Variants in DOCK7 observed in about 807,000 individuals in gnomAD.
The protein encoded by DOCK7 is dedicator of cytokinesis protein 7.
In DOCK7, 138 loss-of-function variants were observed where a neutral mutation model predicts 271.0. The ratio of observed to expected loss-of-function variants is 0.51; its 90% confidence interval spans 0.44 to 0.59. The LOEUF (loss-of-function observed/expected upper bound fraction) is 0.59, where lower values mean the gene tolerates loss of function less well. DOCK7 is among the 20% of genes least tolerant of loss of function. DOCK7 has a pLI of 0.00. For missense variants in DOCK7, 2,066 were observed against 2,592.4 expected (o/e 0.80, Z 4.41); for synonymous variants, 823 against 876.1 (o/e 0.94, Z 1.07).
intron 47 of DOCK7, among the ~76,000 whole-genome samples, chr1:62,474,960 T>A (rs966023014): frequency 6.6e-6 from 1 of 152,208 alleles, no homozygotes; most frequent in Non-Finnish European, 1.5e-5. Context: ...TTCGCAAATA[T>A]GTACATAGCT....
intron 1 of DOCK7, among the ~76,000 whole-genome samples, chr1:62,681,536 AAAAATAAAAAAAAT>A (rs1464322275): frequency 2.3e-3 from 32 of 13,664 alleles, no homozygotes; most frequent in Non-Finnish European, 0.02. Flanking sequence ...AAGTATAATA[AAAAATAAAAAAAAT>A]AAAATAAAAA....
intron 14 of DOCK7, among the ~76,000 whole-genome samples, chr1:62,592,474 A>G (rs1407975290): frequency 6.6e-6 from 1 of 152,196 alleles, no homozygotes; most frequent in Admixed American, 6.5e-5. Context: ...TAAAGCATCT[A>G]TTAATACACA....
intron 48 of DOCK7, among the ~76,000 whole-genome samples, chr1:62,470,562 G>A (rs1009544319): frequency 3.3e-5 from 5 of 152,136 alleles, no homozygotes; most frequent in Admixed American, 6.5e-5. Context: ...TTGGGAGGCC[G>A]ACTCAGGCAG....
At chr1:62,504,195 A>T (rs1646875515) in intron 37 of DOCK7, among the ~76,000 whole-genome samples, 2 of 152,190 alleles carry the variant, frequency 1.3e-5, no homozygotes, top group Admixed American at 6.5e-5. Context: ...TTACATAAGC[A>T]AAAATAAATG....
At chr1:62,599,016 C>T (rs544685379) in intron 14 of DOCK7, among the ~76,000 whole-genome samples, 1 of 152,074 alleles carries the variant, frequency 6.6e-6, no homozygotes, top group South Asian at 2.1e-4. Context: ...ATTACTTCAC[C>T]CCTTTATCTC....
intron 43 of DOCK7, chr1:62,481,905 T>C (rs1293784715): frequency 6.6e-6 from 1 of 152,228 alleles, no homozygotes; most frequent in African/African-American, 2.4e-5. Flanking sequence ...TTTTCCACAA[T>C]GCTTCCTTTA....
chr1:62,514,624 T>C (rs977485824), intron 31 of DOCK7, among the ~76,000 whole-genome samples: 1 of 151,836 alleles, frequency 6.6e-6, no homozygotes, highest in African/African-American at 2.4e-5. Context: ...CATCCCAATT[T>C]TACAGATAAA....
intron 14 of DOCK7, among the ~76,000 whole-genome samples, chr1:62,588,732 A>G (rs1647938787): frequency 6.6e-6 from 1 of 151,994 alleles, no homozygotes; most frequent in South Asian, 2.1e-4. Flanking sequence ...TATTTTTTTA[A>G]TTTTTAAAAT....
chr1:62,562,264 C>T (rs1646350795), intron 18 of DOCK7, among the ~76,000 whole-genome samples: 1 of 83,422 alleles, frequency 1.2e-5, no homozygotes, highest in South Asian at 3.8e-4. Context: ...TAGAGTCTCG[C>T]TCTGTCACCC....
intron 37 of DOCK7, among the ~76,000 whole-genome samples, chr1:62,497,154 C>T (rs1202448491): frequency 6.6e-6 from 1 of 152,156 alleles, no homozygotes; most frequent in East Asian, 1.9e-4. Flanking sequence ...AAATCTCCTA[C>T]CTTATCTTCA....
At chr1:62,667,001 TATG>T in intron 1 of DOCK7, among the ~76,000 whole-genome samples, 1 of 152,332 alleles carries the variant, frequency 6.6e-6, no homozygotes, top group South Asian at 2.1e-4. Flanking sequence ...CCATTCATTA[TATG>T]ATGTTGGAAA....
chr1:62,572,512 A>G (rs933865854), intron 18 of DOCK7, among the ~76,000 whole-genome samples: 2 of 152,218 alleles, frequency 1.3e-5, no homozygotes, highest in African/African-American at 4.8e-5. Context: ...GGTGACTTAA[A>G]CAGCAGATAT....
rs1479068685 is a variant in DOCK7, at chr1:62,688,270, C to T, written c.-6G>A. 1.5e-6 allele frequency: 2 copies of T among 1,307,146 alleles called. No individual in the cohort carries two copies. Among genetic ancestry groups the T allele is most frequent in the Non-Finnish European group, 2.0e-6 (2 of 1,018,676 alleles). The allele number at this position is 1,307,146 out of a possible 1,614,324, so 81.0% of individuals were successfully genotyped here. On this transcript the variant is annotated 5_prime_UTR_variant, in exon 1 of 50. Transcript: ENST00000635253. ...AAGGCGCGGCGCTCGGCCATGGCTG[C>T]TGCGGCGACGGCGACGGCGGCGGCG...
chr1:62,552,476 C>T (rs1645940362), intron 22 of DOCK7, among the ~76,000 whole-genome samples: 1 of 152,130 alleles, frequency 6.6e-6, no homozygotes, highest in Non-Finnish European at 1.5e-5. Flanking sequence ...GATGGAGTAT[C>T]AGACTGACAA....
chr1:62,577,460 C>T (rs569089193), intron 17 of DOCK7, 97 bp from the exon 18 acceptor site: 8 of 675,964 alleles, frequency 1.2e-5, no homozygotes, highest in South Asian at 7.8e-5. Context: ...CCAAATTTGT[C>T]CCATATCATC....
chr1:62,681,857 G>A (rs1661205543), intron 1 of DOCK7, among the ~76,000 whole-genome samples: 1 of 152,110 alleles, frequency 6.6e-6, no homozygotes, highest in East Asian at 1.9e-4. Flanking sequence ...AGACAGCAAA[G>A]CATACACACA....
chr1:62,496,454 G>C lies in DOCK7; in HGVS notation c.4808C>G (p.Ser1603Cys). ...AAAATTCTGAGATGTGCCCACCAAG[G>C]AGGATAGTGACATTGTTACCTGCAT... is the stretch of plus-strand genomic sequence containing the variant. ...VKMQVTMSLS[S>C]LVGTSQNFNE... is the part of the protein sequence containing the mutation. Residue 1603 changes from serine to cysteine, a missense_variant, in exon 38 of 50, where the codon TCC (serine) becomes TGC (cysteine). Ser to Cys is a moderately radical substitution (Grantham distance 112). This residue lies in a region of DOCK7 where 652 missense variants were observed against 922.1 expected (regional missense o/e 0.71). Transcript: ENST00000635253. The C allele has an allele frequency of 6.2e-7, 1 of 1,613,524 alleles. No homozygotes were observed. The highest frequency in any genetic ancestry group is 8.5e-7 in the Non-Finnish European group (1 of 1,179,682).
chr1:62,681,177 C>T (rs1003281962), intron 1 of DOCK7, among the ~76,000 whole-genome samples: 5 of 152,000 alleles, frequency 3.3e-5, no homozygotes, highest in African/African-American at 4.8e-5. Context: ...AAATGTGGCA[C>T]ATATACACCA....
chr1:62,621,969 G>A (rs781361600), intron 12 of DOCK7, among the ~76,000 whole-genome samples: 9 of 151,924 alleles, frequency 5.9e-5, no homozygotes, highest in Non-Finnish European at 8.8e-5. Context: ...TTTACTCCCT[G>A]TTTCCATGCC....
Sources: gnomAD v4.1 joint callset for allele counts (sites outside exome capture counted in the v4.1 genomes callset) on GRCh38, gnomAD v4.1.1 for gene constraint, gnomAD v4.1.1 regional missense constraint, MANE v1.5 for transcripts, NCBI Gene and HGNC (gene_info 2026-07-23, HGNC 2026-07-21) for gene names.